Variants in KCNIP4 observed in about 807,000 individuals in gnomAD.
The protein encoded by KCNIP4 is potassium voltage-gated channel interacting protein 4.
A neutral mutation model predicts 34.0 loss-of-function variants in KCNIP4; 12 were observed. That is an observed-to-expected ratio of 0.35 (90% CI 0.23 to 0.57). KCNIP4 has a LOEUF of 0.57. KCNIP4 is among the 20% of genes least tolerant of loss of function. The pLI is 0.83. For missense variants in KCNIP4, 238 were observed against 311.7 expected (o/e 0.76, Z 1.78); for synonymous variants, 124 against 102.2 (o/e 1.21, Z -1.29).
At chr4:21,566,761 T>G (rs1739921411) in intron 1 of KCNIP4, among the ~76,000 whole-genome samples, 1 of 152,020 alleles carries the variant, frequency 6.6e-6, no homozygotes, top group Non-Finnish European at 1.5e-5. Flanking sequence ...CCATTTCAGG[T>G]GGATTGAGAG....
At chr4:21,070,663 A>AT (rs1203011253) in intron 1 of KCNIP4, among the ~76,000 whole-genome samples, 1,290 of 49,626 alleles carry the variant, frequency 0.026, 483 homozygotes, top group Non-Finnish European at 0.037. Flanking sequence ...GAGTTTTGAG[A>AT]TTTTTTTTTT....
chr4:20,845,947 A>G (rs1435477510), intron 3 of KCNIP4, among the ~76,000 whole-genome samples: 2 of 152,208 alleles, frequency 1.3e-5, no homozygotes, highest in East Asian at 1.9e-4. Context: ...GCACTTAGCT[A>G]TGTCATTTCT....
chr4:21,335,310 C>G (rs1716068159), intron 1 of KCNIP4, among the ~76,000 whole-genome samples: 1 of 151,922 alleles, frequency 6.6e-6, no homozygotes, highest in Non-Finnish European at 1.5e-5. Context: ...CCTTAAAAAA[C>G]TTATAATGCT....
chr4:21,238,841 C>A (rs1171531136), intron 1 of KCNIP4, among the ~76,000 whole-genome samples: 3 of 152,170 alleles, frequency 2.0e-5, no homozygotes, highest in Non-Finnish European at 4.4e-5. Flanking sequence ...CCCCATCAAG[C>A]TACCAATGAC....
intron 3 of KCNIP4, among the ~76,000 whole-genome samples, chr4:20,810,549 C>A (rs943647221): frequency 6.6e-6 from 1 of 151,970 alleles, no homozygotes; most frequent in Non-Finnish European, 1.5e-5. Flanking sequence ...ATCTGGAATT[C>A]TGAATTTGCA....
At chr4:20,901,965 A>C (rs528437018) in intron 1 of KCNIP4, among the ~76,000 whole-genome samples, 3 of 152,100 alleles carry the variant, frequency 2.0e-5, no homozygotes, top group Admixed American at 2.0e-4. Flanking sequence ...TTTGAATACT[A>C]TCATAGAGAC....
intron 1 of KCNIP4, among the ~76,000 whole-genome samples, chr4:21,208,237 C>G (rs1425185730): frequency 1.3e-5 from 2 of 152,124 alleles, no homozygotes; most frequent in Admixed American, 1.3e-4. Flanking sequence ...GTCCTCCATT[C>G]CATATGTCTA....
At chr4:21,643,083 T>C (rs1746731121) in intron 1 of KCNIP4, among the ~76,000 whole-genome samples, 1 of 152,200 alleles carries the variant, frequency 6.6e-6, no homozygotes, top group Non-Finnish European at 1.5e-5. Context: ...TACAGCGATG[T>C]AACCAGTACA....
At chr4:21,331,029 T>C (rs1715581113) in intron 1 of KCNIP4, among the ~76,000 whole-genome samples, 1 of 152,184 alleles carries the variant, frequency 6.6e-6, no homozygotes, top group Admixed American at 6.5e-5. Flanking sequence ...TACTCTTCTA[T>C]TGACTGTTTC....
intron 1 of KCNIP4, among the ~76,000 whole-genome samples, chr4:21,024,646 C>A (rs1369812263): frequency 6.6e-6 from 1 of 152,170 alleles, no homozygotes; most frequent in East Asian, 1.9e-4. Flanking sequence ...GTCTATTATT[C>A]TCTGTACTAA....
At chr4:20,805,746 A>G (rs1714996567) in intron 3 of KCNIP4, among the ~76,000 whole-genome samples, 1 of 152,148 alleles carries the variant, frequency 6.6e-6, no homozygotes. Context: ...TTCTCATTCA[A>G]TTAAAGTCTT....
intron 1 of KCNIP4, among the ~76,000 whole-genome samples, chr4:21,113,673 G>A (rs1749451392): frequency 6.6e-6 from 1 of 152,060 alleles, no homozygotes; most frequent in Non-Finnish European, 1.5e-5. Flanking sequence ...CAACTATTCT[G>A]GGATTGAATC....
intron 1 of KCNIP4, among the ~76,000 whole-genome samples, chr4:21,191,485 T>A (rs1014308579): frequency 3.3e-5 from 5 of 152,184 alleles, no homozygotes; most frequent in African/African-American, 1.2e-4. Context: ...GGGTGCTGTA[T>A]AATCATCAGA....
At chr4:21,659,538 A>C (rs2108987094) in intron 1 of KCNIP4, among the ~76,000 whole-genome samples, 1 of 152,264 alleles carries the variant, frequency 6.6e-6, no homozygotes, top group Non-Finnish European at 1.5e-5. Context: ...AATTTTCATT[A>C]TTTTTAATGC....
At chr4:21,295,802 T>C (rs1763806605) in intron 1 of KCNIP4, among the ~76,000 whole-genome samples, 1 of 152,180 alleles carries the variant, frequency 6.6e-6, no homozygotes. Flanking sequence ...TATATTCCTT[T>C]ATTTATATTT....
intron 1 of KCNIP4, among the ~76,000 whole-genome samples, chr4:21,465,873 T>C (rs1729883446): frequency 6.6e-6 from 1 of 152,192 alleles, no homozygotes; most frequent in South Asian, 2.1e-4. Context: ...ATTCTGAAAC[T>C]AAGCTAGTGA....
chr4:20,877,105 A>G (rs980450866), intron 2 of KCNIP4, among the ~76,000 whole-genome samples: 29 of 152,072 alleles, frequency 1.9e-4, no homozygotes, highest in African/African-American at 6.8e-4. Context: ...CTGGTTTCCC[A>G]TTGGGTTTGG....
intron 1 of KCNIP4, among the ~76,000 whole-genome samples, chr4:21,291,864 AAAAAAAGAAAGAAAGAAAGAAAGAAAG>A (rs1763500074): frequency 4.4e-5 from 3 of 68,120 alleles, no homozygotes; most frequent in African/African-American, 1.7e-4. Context: ...AAAAAAAAAA[AAAAAAAGAAAGAAAGAAAGAAAGAAAG>A]AAAGAAAGAA....
At chr4:20,789,269 C>T (rs773752734) in intron 3 of KCNIP4, among the ~76,000 whole-genome samples, 3 of 152,134 alleles carry the variant, frequency 2.0e-5, no homozygotes, top group Non-Finnish European at 1.5e-5. Context: ...AAATTTGGGG[C>T]CATTTTTATC....
Sources: gnomAD v4.1 joint callset for allele counts (sites outside exome capture counted in the v4.1 genomes callset) on GRCh38, gnomAD v4.1.1 for gene constraint, MANE v1.5 for transcripts, NCBI Gene and HGNC (gene_info 2026-07-23, HGNC 2026-07-21) for gene names.